PKIG: variants seen among roughly 807,000 people sequenced by gnomAD.
PKIG encodes the protein cAMP-dependent protein kinase inhibitor gamma, also known as protein kinase (cAMP-dependent, catalytic) inhibitor gamma.
Under a neutral mutation model 6.8 loss-of-function variants are expected in PKIG, and 1 was observed. The observed-to-expected ratio is 0.15, with a 90% CI of 0.05 to 0.69. The LOEUF (loss-of-function observed/expected upper bound fraction) is 0.69. PKIG is among the 30% of genes least tolerant of loss of function. The pLI, the probability that PKIG is intolerant of heterozygous loss-of-function variation, is 0.82. For synonymous variants in PKIG, 39 were observed against 43.0 expected, an observed-to-expected ratio of 0.91 and a Z score of 0.36; for missense variants, 77 against 104.0, an observed-to-expected ratio of 0.74 and a Z score of 1.13.
At chr20:44,612,210 G>C (rs567299089) in intron 2 of PKIG, among the ~76,000 whole-genome samples, 2 of 152,286 alleles carry the variant, frequency 1.3e-5, no homozygotes, top group South Asian at 4.1e-4. Context: ...CATAGTGGCT[G>C]TATGGCACAT....
chr20:44,581,438 AG>A (rs1226076842), upstream of PKIG, among the ~76,000 whole-genome samples: 1 of 152,224 alleles, frequency 6.6e-6, no homozygotes, highest in African/African-American at 2.4e-5. Flanking sequence ...TAAGTCAGAC[AG>A]GACTCAGATC....
At chr20:44,617,594 G>C (rs964671808) in intron 3 of PKIG, among the ~76,000 whole-genome samples, 9 of 152,054 alleles carry the variant, frequency 5.9e-5, no homozygotes, top group African/African-American at 2.2e-4. Flanking sequence ...CTGTGAGCCT[G>C]CTGCTGCCCC....
At chr20:44,538,106 T>C (rs1034027086) in intron 1 of PKIG, among the ~76,000 whole-genome samples, 3 of 152,216 alleles carry the variant, frequency 2.0e-5, no homozygotes, top group South Asian at 2.1e-4. Flanking sequence ...AAAATGAAAA[T>C]TTGGAGGGTC....
intron 1 of PKIG, among the ~76,000 whole-genome samples, chr20:44,584,195 A>G (rs1244629010): frequency 6.6e-6 from 1 of 152,152 alleles, no homozygotes; most frequent in Non-Finnish European, 1.5e-5. Flanking sequence ...ACTAAACTGT[A>G]TTTACATAAT....
chr20:44,603,791 G>A (rs2065141884), intron 2 of PKIG, among the ~76,000 whole-genome samples: 1 of 152,248 alleles, frequency 6.6e-6, no homozygotes, highest in East Asian at 1.9e-4. Flanking sequence ...CTGGAGATAG[G>A]TCATGGGCTG....
chr20:44,557,730 A>G (rs989346045), intron 1 of PKIG, among the ~76,000 whole-genome samples: 2 of 151,898 alleles, frequency 1.3e-5, no homozygotes, highest in Non-Finnish European at 2.9e-5. Flanking sequence ...AGGCTGAGGC[A>G]GGAGAATGGC....
intron 1 of PKIG, among the ~76,000 whole-genome samples, chr20:44,571,638 G>C (rs1030372348): frequency 6.6e-6 from 1 of 152,224 alleles, no homozygotes; most frequent in African/African-American, 2.4e-5. Context: ...CTGGGTCAGG[G>C]GAGATGCAAG....
At chr20:44,547,756 G>A (rs1330786141) in intron 1 of PKIG, among the ~76,000 whole-genome samples, 1 of 152,142 alleles carries the variant, frequency 6.6e-6, no homozygotes, top group East Asian at 1.9e-4. Flanking sequence ...TAGCATTGGC[G>A]GGGCGCGGTT....
chr20:44,559,926 C>T (rs1478703226), intron 1 of PKIG, among the ~76,000 whole-genome samples: 2 of 151,930 alleles, frequency 1.3e-5, no homozygotes, highest in Admixed American at 6.6e-5. Flanking sequence ...GATGTAGCGC[C>T]GGGCATGGTG....
chr20:44,612,448 AC>A (rs2065228204), intron 2 of PKIG, among the ~76,000 whole-genome samples: 1 of 151,988 alleles, frequency 6.6e-6, no homozygotes, highest in Non-Finnish European at 1.5e-5. Context: ...TGCTTAGACC[AC>A]CCCTCCCACT....
intron 1 of PKIG, among the ~76,000 whole-genome samples, chr20:44,589,166 CA>C (rs977175824): frequency 6.6e-6 from 1 of 150,420 alleles, no homozygotes; most frequent in African/African-American, 2.5e-5. Context: ...TTTTTCTAAA[CA>C]TAAATAATCA....
In PKIG at chr20:44,618,510, G is replaced by A. The variant is rs2065291914; in HGVS notation, c.*146G>A. ...CTGAGAAGGCTCCCCAGAGGCCTCT[G>A]TGGCCTCCACTCCGGGAAAGCCCTC... On this transcript the variant is annotated 3_prime_UTR_variant, in exon 4 of 4. Transcript: ENST00000372886. 13 of 635,280 alleles carry A rather than the reference G, an allele frequency of 2.0e-5. No homozygotes were observed. In the South Asian group the frequency reaches 2.3e-4, roughly 11 times the overall value. The allele number at this position is 635,280 out of a possible 1,614,324, so 39.4% of individuals were successfully genotyped here.
chr20:44,565,721 C>G (rs1226280501), intron 1 of PKIG, among the ~76,000 whole-genome samples: 1 of 152,138 alleles, frequency 6.6e-6, no homozygotes, highest in Non-Finnish European at 1.5e-5. Flanking sequence ...TGAAATAGCC[C>G]TGACTTTAAT....
intron 2 of PKIG, among the ~76,000 whole-genome samples, chr20:44,597,742 G>A (rs533555547): frequency 1.9e-4 from 29 of 152,224 alleles, no homozygotes; most frequent in East Asian, 3.9e-4. Flanking sequence ...TAAATTTGCC[G>A]AGGCTCAGCT....
At chr20:44,532,827 G>C (rs549085308) in intron 1 of PKIG, among the ~76,000 whole-genome samples, 1 of 152,326 alleles carries the variant, frequency 6.6e-6, no homozygotes, top group South Asian at 2.1e-4. Flanking sequence ...AGCAGGTAGA[G>C]AAAGTAGGTA....
chr20:44,595,852 C>T (rs948021480), intron 2 of PKIG, among the ~76,000 whole-genome samples: 4 of 152,136 alleles, frequency 2.6e-5, no homozygotes, highest in African/African-American at 9.7e-5. Context: ...GTGGATGCCC[C>T]AAGTACAACC....
chr20:44,570,805 G>A (rs1198114773), intron 1 of PKIG, among the ~76,000 whole-genome samples: 1 of 152,178 alleles, frequency 6.6e-6, no homozygotes, highest in African/African-American at 2.4e-5. Flanking sequence ...GACATGATAG[G>A]TAGATGGGTG....
intron 2 of PKIG, among the ~76,000 whole-genome samples, chr20:44,602,744 G>A (rs1288753309): frequency 6.6e-6 from 1 of 152,002 alleles, no homozygotes. Context: ...GGGAGGCTGA[G>A]GCAGGAAAAG....
chr20:44,596,226 C>T (rs1054857393), intron 2 of PKIG, among the ~76,000 whole-genome samples: 5 of 152,194 alleles, frequency 3.3e-5, no homozygotes, highest in Admixed American at 6.5e-5. Context: ...GTGTATTTGT[C>T]GAATGACTGT....
Sources: gnomAD v4.1 joint callset for allele counts (sites outside exome capture counted in the v4.1 genomes callset) on GRCh38, gnomAD v4.1.1 for gene constraint, MANE v1.5 for transcripts, NCBI Gene and HGNC (gene_info 2026-07-23, HGNC 2026-07-21) for gene names.